The following ASTN1 variants were observed in gnomAD, a reference collection of about 807,000 sequenced individuals.
The protein encoded by ASTN1 is astrotactin 1, also known as astrotactin-1.
ASTN1 carries 41 observed loss-of-function variants against 140.7 expected under a neutral mutation model. The observed-to-expected ratio is 0.29, with a 90% confidence interval of 0.23 to 0.38. The LOEUF (loss-of-function observed/expected upper bound fraction) is 0.38. Ranked by LOEUF, ASTN1 falls within the 10% of genes least tolerant of loss-of-function variation. The pLI is 1.00. For synonymous variants in ASTN1, 640 were observed against 652.2 expected (o/e 0.98, Z 0.29); for missense variants, 1,479 against 1,678.8 (o/e 0.88, Z 2.08).
chr1:177,119,446 G>A (rs894031119), intron 1 of ASTN1, among the ~76,000 whole-genome samples: 1 of 152,174 alleles, frequency 6.6e-6, no homozygotes, highest in Non-Finnish European at 1.5e-5. Context: ...CACTAGCTCC[G>A]GAGTGGGCTG....
chr1:176,953,868 C>A (rs1376768256), intron 11 of ASTN1, among the ~76,000 whole-genome samples: 1 of 152,184 alleles, frequency 6.6e-6, no homozygotes, highest in Admixed American at 6.5e-5. Flanking sequence ...TTACGTCTTA[C>A]AAAGCTAAGG....
chr1:177,032,108 AAG>A (rs1229312749), intron 3 of ASTN1, among the ~76,000 whole-genome samples: 1 of 152,188 alleles, frequency 6.6e-6, no homozygotes, highest in African/African-American at 2.4e-5. Context: ...AATATACAAG[AAG>A]TCATATACAC....
At chr1:176,939,410 T>A (rs954167203) in intron 14 of ASTN1, among the ~76,000 whole-genome samples, 1 of 152,156 alleles carries the variant, frequency 6.6e-6, no homozygotes. Flanking sequence ...CTCCATTACT[T>A]AGCTGATCAA....
chr1:177,060,264 T>TTAA (rs1196908805), intron 2 of ASTN1, among the ~76,000 whole-genome samples: 2 of 152,098 alleles, frequency 1.3e-5, no homozygotes, highest in African/African-American at 4.8e-5. Context: ...AGAAGGAATG[T>TTAA]TAATAGTAAA....
intron 16 of ASTN1, among the ~76,000 whole-genome samples, chr1:176,908,053 A>G (rs890853282): frequency 6.6e-6 from 1 of 152,138 alleles, no homozygotes; most frequent in Admixed American, 6.6e-5. Flanking sequence ...ACGATCACCA[A>G]TAAAGATGGC....
At chr1:176,961,587 T>C (rs1672666172) in intron 9 of ASTN1, among the ~76,000 whole-genome samples, 1 of 152,198 alleles carries the variant, frequency 6.6e-6, no homozygotes, top group African/African-American at 2.4e-5. Context: ...CCTCTGTAAA[T>C]GGGAAAATTG....
chr1:176,899,230 T>A (rs2103044563), intron 16 of ASTN1, among the ~76,000 whole-genome samples: 1 of 152,370 alleles, frequency 6.6e-6, no homozygotes, highest in East Asian at 1.9e-4. Context: ...AATATTGTGG[T>A]ATGAGAATAT....
rs1224852109 is a variant in ASTN1, at chr1:177,129,372, AT to A, written c.283+35021del. 1.2e-4 allele frequency among the ~76,000 whole-genome samples: 18 copies of A among 152,138 alleles called. 1 individual carries two copies. Among genetic ancestry groups the A allele is most frequent in the Admixed American group, 1.2e-3 (18 of 15,270 alleles). On this transcript the variant is annotated intron_variant, in intron 1 of 22. Coordinates refer to ENST00000361833, the MANE Select transcript of ASTN1 (RefSeq NM_004319.3). ...CAGAGGAAAGGCTTGGGGAGGTGAA[AT>A]GTGAAGAAATAGGCAGCTTGTAGGT...
intron 16 of ASTN1, among the ~76,000 whole-genome samples, chr1:176,933,088 A>G (rs956394809): frequency 1.3e-5 from 2 of 152,206 alleles, no homozygotes; most frequent in Non-Finnish European, 2.9e-5. Flanking sequence ...CTTGAGGGGA[A>G]TGAAGGACTG....
chr1:176,878,739 GC>G (rs1001284070), intron 20 of ASTN1, among the ~76,000 whole-genome samples: 1 of 151,946 alleles, frequency 6.6e-6, no homozygotes, highest in African/African-American at 2.4e-5. Flanking sequence ...TCAAGAAGGC[GC>G]CCAAAGGTAC....
At chr1:177,008,653 G>A (rs1675128347) in intron 8 of ASTN1, among the ~76,000 whole-genome samples, 1 of 151,694 alleles carries the variant, frequency 6.6e-6, no homozygotes. Flanking sequence ...AGAGGAGAAG[G>A]AGGATGAATA....
At chr1:177,054,435 CTGAAAACA>C (rs1677696848) in intron 2 of ASTN1, among the ~76,000 whole-genome samples, 2 of 152,124 alleles carry the variant, frequency 1.3e-5, no homozygotes, top group Non-Finnish European at 2.9e-5. Flanking sequence ...GTTTGTTGTA[CTGAAAACA>C]AGAAATCGTG....
intron 4 of ASTN1, 43 bp downstream of exon 4, chr1:177,030,763 A>G (rs1029877887): frequency 6.2e-7 from 1 of 1,611,580 alleles, no homozygotes; most frequent in East Asian, 2.2e-5. Context: ...CTCTACCAAT[A>G]TGAAGGAATC....
chr1:177,060,484 C>T (rs1416305522), intron 2 of ASTN1, among the ~76,000 whole-genome samples: 1 of 152,090 alleles, frequency 6.6e-6, no homozygotes, highest in Non-Finnish European at 1.5e-5. Context: ...TGGATAATTC[C>T]CATCTATGAC....
At chr1:177,164,133 G>A (rs1252808878) in intron 1 of ASTN1, among the ~76,000 whole-genome samples, 1 of 152,148 alleles carries the variant, frequency 6.6e-6, no homozygotes, top group Non-Finnish European at 1.5e-5. Context: ...AGGTTTCAGA[G>A]AGACTCATGC....
chr1:177,148,729 T>G (rs970138939), intron 1 of ASTN1, among the ~76,000 whole-genome samples: 3 of 151,688 alleles, frequency 2.0e-5, no homozygotes, highest in Non-Finnish European at 4.4e-5. Flanking sequence ...AGAGACCAGT[T>G]TCAAGGAAGA....
At chr1:177,079,105 T>C (rs1336154997) in intron 1 of ASTN1, among the ~76,000 whole-genome samples, 2 of 152,160 alleles carry the variant, frequency 1.3e-5, no homozygotes, top group Admixed American at 1.3e-4. Flanking sequence ...ACAAAGAAAC[T>C]GGCAGCATTG....
At chr1:177,049,965 A>C (rs1300116541) in intron 2 of ASTN1, among the ~76,000 whole-genome samples, 1 of 152,226 alleles carries the variant, frequency 6.6e-6, no homozygotes, top group African/African-American at 2.4e-5. Context: ...GGATGTATAC[A>C]TTCCATGACA....
rs10642697 is a variant in ASTN1, at chr1:176,970,731, G to GGTGTGTGT, written c.1524-5502_1524-5495dup. On this transcript the variant is annotated intron_variant, in intron 8 of 22. Coordinates refer to ENST00000361833, the MANE Select transcript of ASTN1 (RefSeq NM_004319.3). ...CTGTGTATATATGAATGTGGGTATG[G>GGTGTGTGT]GTGTGTGTGTGTGTGTGTGTGTGTG... Among the ~76,000 whole-genome samples the GGTGTGTGT allele has an allele frequency of 2.5e-3, 370 of 147,238 alleles. 1 individual carries two copies. Among genetic ancestry groups the GGTGTGTGT allele is most frequent in the Middle Eastern group, 7.1e-3 (2 of 282 alleles).
Sources: allele counts gnomAD v4.1 joint callset (sites outside exome capture counted in the v4.1 genomes callset), GRCh38; gene constraint gnomAD v4.1.1; transcripts MANE v1.5; gene names NCBI Gene and HGNC (gene_info 2026-07-23, HGNC 2026-07-21).